The following TES variants were observed in gnomAD, a reference collection of about 807,000 sequenced individuals.
TES encodes the protein testin LIM domain protein.
In TES, 41 loss-of-function variants were observed where a neutral mutation model predicts 48.2. That is an observed-to-expected ratio of 0.85 (90% CI 0.66 to 1.10). The LOEUF is 1.10. Ranked by LOEUF, TES falls within the 50% of genes least tolerant of loss-of-function variation. The pLI is 0.00. For missense variants in TES, 463 were observed against 515.1 expected (o/e 0.90, Z 0.98); for synonymous variants, 162 against 174.9 (o/e 0.93, Z 0.58).
At chr7:116,240,847 CAAAT>C (rs1459338432) in intron 2 of TES, among the ~76,000 whole-genome samples, 1 of 152,120 alleles carries the variant, frequency 6.6e-6, no homozygotes, top group Non-Finnish European at 1.5e-5. Context: ...CAGTATAGCA[CAAAT>C]AAATAAACAA....
At chr7:116,246,946 C>CTTTTTTTTTTTTTTTTTTTTTTTT (rs148032626) in intron 2 of TES, among the ~76,000 whole-genome samples, 2 of 131,046 alleles carry the variant, frequency 1.5e-5, no homozygotes, top group Non-Finnish European at 1.6e-5. Flanking sequence ...AGACTAGGCC[C>CTTTTTTTTTTTTTTTTTTTTTTTT]CTTTTTTTTT....
chr7:116,213,903 G>C (rs907829300), intron 1 of TES, among the ~76,000 whole-genome samples: 6 of 152,002 alleles, frequency 3.9e-5, no homozygotes, highest in Non-Finnish European at 8.8e-5. Flanking sequence ...CTCATTTTGC[G>C]GTGAATGGTA....
At chr7:116,211,413 C>T (rs1238094870) in intron 1 of TES, 2 of 152,226 alleles carry the variant, frequency 1.3e-5, no homozygotes, top group African/African-American at 4.8e-5. Context: ...AGCGTCTCAG[C>T]GCAGGGAGAC....
chr7:116,248,080 T>G (rs1799951877), intron 2 of TES, among the ~76,000 whole-genome samples: 1 of 152,234 alleles, frequency 6.6e-6, no homozygotes, highest in Non-Finnish European at 1.5e-5. Flanking sequence ...TGGTTTTCCT[T>G]TCCTGTATTA....
chr7:116,248,924 G>C, intron 2 of TES, 96 bp from the exon 3 acceptor site: 1 of 1,287,638 alleles, frequency 7.8e-7, no homozygotes, highest in Non-Finnish European at 1.0e-6. Flanking sequence ...CCATGATATA[G>C]AATAGGCCTA....
Position 116,254,462 on chromosome 7 carries a change from A to G in TES, c.1077+1986A>G, listed in dbSNP as rs184577441. ...TAGCATAGCATCATTTTGGCCAGGC[A>G]TGGTGGCTCACGCCTGTAATCCCAG... is the stretch of plus-strand genomic sequence containing the variant. On this transcript the variant is annotated intron_variant, in intron 6 of 6. Transcript: ENST00000358204. Among the ~76,000 whole-genome samples the G allele has an allele frequency of 4.1e-4, 63 of 152,268 alleles. 1 individual carries two copies. The East Asian group carries it at 0.011, about 28-fold the overall frequency.
intron 1 of TES, among the ~76,000 whole-genome samples, chr7:116,217,141 A>G (rs879657211): frequency 4.6e-5 from 7 of 152,138 alleles, no homozygotes; most frequent in Non-Finnish European, 1.0e-4. Flanking sequence ...TGAACTCTTG[A>G]TAGGTTAGCA....
chr7:116,234,556 G>T lies in TES; in HGVS notation c.50G>T (p.Gly17Val). Residue 17 changes from glycine (G) to valine (V), a missense_variant, in exon 2 of 7, where the codon GGA (glycine) becomes GTA (valine). Physicochemically the swap from Gly to Val is moderately radical, Grantham distance 109. Coordinates refer to ENST00000358204, the MANE Select transcript of TES (RefSeq NM_015641.4). ...VKKMGLGHEQ[G>V]FGAPCLKCKE... ...CAGATGGGCTTAGGTCACGAGCAAG[G>T]ATTTGGAGCCCCTTGTTTAAAATGC... 6.2e-7 allele frequency: 1 copy of T among 1,613,884 alleles called. No homozygotes were observed. The highest frequency in any genetic ancestry group is 1.1e-5 in the South Asian group (1 of 91,080).
At chr7:116,227,558 CT>C (rs1799639394) in intron 1 of TES, among the ~76,000 whole-genome samples, 1 of 152,178 alleles carries the variant, frequency 6.6e-6, no homozygotes, top group Admixed American at 6.5e-5. Flanking sequence ...ACAGATCACA[CT>C]GGATTTCTAA....
chr7:116,223,807 C>T (rs990565970), intron 1 of TES, among the ~76,000 whole-genome samples: 1 of 152,052 alleles, frequency 6.6e-6, no homozygotes, highest in Non-Finnish European at 1.5e-5. Flanking sequence ...CCCATATACC[C>T]CTGTTCCCCT....
In TES at chr7:116,258,082, T is replaced by G. The variant is rs1331853379; in HGVS notation, c.*600T>G. On this transcript the variant is annotated 3_prime_UTR_variant, in exon 7 of 7. Coordinates refer to ENST00000358204, the MANE Select transcript of TES (RefSeq NM_015641.4). ...TTATTGCATTTCTCTATTTTTTTAA[T>G]GTACCCTACCTTCAGTATTCTCTTT... 14 of 152,244 alleles carry G rather than the reference T, an allele frequency of 9.2e-5. No homozygotes were observed. Among genetic ancestry groups the G allele is most frequent in the Admixed American group, 9.2e-4 (14 of 15,280 alleles). The allele number at this position is 152,244 out of a possible 1,614,324, so 9.4% of individuals were successfully genotyped here.
chr7:116,254,115 A>G (rs762262887), intron 6 of TES, among the ~76,000 whole-genome samples: 1 of 152,180 alleles, frequency 6.6e-6, no homozygotes, highest in Non-Finnish European at 1.5e-5. Flanking sequence ...GCTTCAATGA[A>G]TATTGTTGCA....
In TES at chr7:116,252,298, T is replaced by C. The variant is rs776812840; in HGVS notation, c.919-20T>C. On this transcript the variant is annotated intron_variant, in intron 5 of 6. Coordinates refer to ENST00000358204, the MANE Select transcript of TES (RefSeq NM_015641.4). ...CTCTTATTATATAAAAATCCATCTT[T>C]ATTTTTATCTTCTTCCTAGCTGATA... 6.3e-7 allele frequency: 1 copy of C among 1,590,074 alleles called. No homozygotes were observed. The highest frequency in any genetic ancestry group is 2.3e-5 in the East Asian group (1 of 44,330).
At chr7:116,244,800 T>C (rs918408653) in intron 2 of TES, among the ~76,000 whole-genome samples, 2 of 152,194 alleles carry the variant, frequency 1.3e-5, no homozygotes, top group African/African-American at 4.8e-5. Context: ...GGCATTTTCA[T>C]ACATCCTCTG....
intron 6 of TES, among the ~76,000 whole-genome samples, chr7:116,253,696 C>T (rs915920930): frequency 3.9e-5 from 6 of 152,100 alleles, no homozygotes; most frequent in East Asian, 1.9e-4. Context: ...TCTAATACAC[C>T]GTACTTTTCC....
chr7:116,213,071 A>G (rs999915443), intron 1 of TES, among the ~76,000 whole-genome samples: 4 of 152,220 alleles, frequency 2.6e-5, no homozygotes, highest in Non-Finnish European at 5.9e-5. Context: ...AAAGTTTCCC[A>G]GTACAAAATT....
At chr7:116,251,442 G>T (rs190624515) in intron 4 of TES, 271 of 274,598 alleles carry the variant, frequency 9.9e-4, no homozygotes, top group Non-Finnish European at 1.5e-3. Context: ...CAGCACTTTG[G>T]GAGGCTGAGG....
At chr7:116,210,882 C>T (rs1039725990) in intron 1 of TES, 148 bp downstream of exon 1, 1 of 640,822 alleles carries the variant, frequency 1.6e-6, no homozygotes, top group African/African-American at 1.9e-5. Context: ...GCCCAGGGAC[C>T]TGGCCCCCTG....
At chr7:116,249,344 G>T in intron 3 of TES, 72 bp downstream of exon 3, 2 of 1,564,556 alleles carry the variant, frequency 1.3e-6, no homozygotes, top group South Asian at 2.2e-5. Context: ...TTTCTTTGAT[G>T]ACCTAATCAA....
Sources: allele counts gnomAD v4.1 joint callset (sites outside exome capture counted in the v4.1 genomes callset), GRCh38; gene constraint gnomAD v4.1.1; transcripts MANE v1.5; gene names NCBI Gene and HGNC (gene_info 2026-07-23, HGNC 2026-07-21).